MGAT4C: variants seen among roughly 807,000 people sequenced by gnomAD.
MGAT4C encodes MGAT4 family member C, also known as alpha-1,3-mannosyl-glycoprotein 4-beta-N-acetylglucosaminyltransferase C.
MGAT4C carries 19 observed loss-of-function variants against 40.1 expected under a neutral mutation model. The observed-to-expected ratio is 0.47, with a 90% confidence interval of 0.33 to 0.70. The LOEUF is 0.70. Ranked by LOEUF, MGAT4C falls within the 30% of genes least tolerant of loss-of-function variation. MGAT4C has a pLI of 0.02. For synonymous variants in MGAT4C, 181 were observed against 187.1 expected, an observed-to-expected ratio of 0.97 and a Z score of 0.27; for missense variants, 491 against 563.2, an observed-to-expected ratio of 0.87 and a Z score of 1.30.
intron 1 of MGAT4C, among the ~76,000 whole-genome samples, chr12:86,768,831 C>G (rs1375125730): frequency 6.7e-6 from 1 of 149,776 alleles, no homozygotes; most frequent in African/African-American, 2.4e-5. Context: ...AAAGCTGAAA[C>G]TGGATCCCTT....
intron 1 of MGAT4C, among the ~76,000 whole-genome samples, chr12:86,079,235 G>A (rs1441956200): frequency 6.6e-6 from 1 of 152,134 alleles, no homozygotes; most frequent in Non-Finnish European, 1.5e-5. Flanking sequence ...GTTAATATGG[G>A]TTTTTAATAA....
intron 2 of MGAT4C, among the ~76,000 whole-genome samples, chr12:86,047,093 T>C (rs1041469006): frequency 6.6e-6 from 1 of 152,132 alleles, no homozygotes; most frequent in African/African-American, 2.4e-5. Flanking sequence ...ACAAAGCCCT[T>C]TGGAGTCCTT....
At chr12:86,318,344 G>C (rs1336461730) in intron 4 of MGAT4C, among the ~76,000 whole-genome samples, 1 of 152,118 alleles carries the variant, frequency 6.6e-6, no homozygotes, top group African/African-American at 2.4e-5. Flanking sequence ...AAGCAGTACT[G>C]TCTACACCTG....
At chr12:86,086,827 T>C (rs1241017535) in intron 1 of MGAT4C, among the ~76,000 whole-genome samples, 1 of 152,070 alleles carries the variant, frequency 6.6e-6, no homozygotes, top group Non-Finnish European at 1.5e-5. Flanking sequence ...CCTCTCCCAT[T>C]ACATTTCCAA....
At chr12:85,982,346 G>A (rs1436299335) in intron 4 of MGAT4C, among the ~76,000 whole-genome samples, 1 of 152,096 alleles carries the variant, frequency 6.6e-6, no homozygotes, top group African/African-American at 2.4e-5. Context: ...ACACGACCAT[G>A]CCTGGTTAAT....
intron 3 of MGAT4C, among the ~76,000 whole-genome samples, chr12:86,369,392 T>C (rs1196243014): frequency 6.6e-6 from 1 of 151,992 alleles, no homozygotes; most frequent in African/African-American, 2.4e-5. Flanking sequence ...TGTGTCTTTT[T>C]GTAATTTTTT....
At chr12:86,126,625 T>C (rs1880311624) in intron 1 of MGAT4C, among the ~76,000 whole-genome samples, 1 of 152,204 alleles carries the variant, frequency 6.6e-6, no homozygotes, top group Non-Finnish European at 1.5e-5. Context: ...AAAATCACTA[T>C]CTTAAATAAT....
At chr12:86,306,489 A>C (rs1566275176) in intron 4 of MGAT4C, among the ~76,000 whole-genome samples, 1 of 150,552 alleles carries the variant, frequency 6.6e-6, no homozygotes, top group African/African-American at 2.5e-5. Flanking sequence ...AATTTCTAAA[A>C]GAGACAAAAT....
chr12:86,375,638 C>A (rs1457133738), intron 3 of MGAT4C, among the ~76,000 whole-genome samples: 1 of 151,768 alleles, frequency 6.6e-6, no homozygotes, highest in African/African-American at 2.4e-5. Flanking sequence ...TATTTGTATA[C>A]CTGTATATAG....
rs1884893870 is a variant in MGAT4C at position 85,983,747 on chromosome 12, C to T, written c.148-77G>A. Reference sequence around the variant, plus strand: ...GATTAAATAAAGTTTCTTTTTTACACAATAAATGTACGACTACAATATATA... The same window carrying T: ...GATTAAATAAAGTTTCTTTTTTACATAATAAATGTACGACTACAATATATA... On this transcript the variant is annotated intron_variant, in intron 3 of 4. Transcript: ENST00000611864. 5.8e-6 allele frequency: 7 copies of T among 1,209,218 alleles called. No homozygotes were observed. In the South Asian group the frequency reaches 6.9e-5, roughly 12 times the overall value. The allele number at this position is 1,209,218 out of a possible 1,614,324, so 74.9% of individuals were successfully genotyped here.
chr12:86,306,502 A>G (rs79552216), intron 4 of MGAT4C, among the ~76,000 whole-genome samples: 2,066 of 150,622 alleles, frequency 0.014, 34 homozygotes, highest in Non-Finnish European at 0.021. Flanking sequence ...GACAAAATTA[A>G]TAAAAATATT....
intron 1 of MGAT4C, among the ~76,000 whole-genome samples, chr12:86,116,267 T>C (rs190432319): frequency 7.9e-5 from 12 of 152,038 alleles, no homozygotes; most frequent in Admixed American, 4.6e-4. Flanking sequence ...GACTTATGCA[T>C]TAACGGGCAC....
intron 1 of MGAT4C, among the ~76,000 whole-genome samples, chr12:86,241,455 T>C (rs1951779313): frequency 6.6e-6 from 1 of 152,176 alleles, no homozygotes; most frequent in Non-Finnish European, 1.5e-5. Flanking sequence ...ACTAACTCTT[T>C]ATTATTATTA....
At chr12:86,798,176 C>G (rs1187705345) in intron 1 of MGAT4C, among the ~76,000 whole-genome samples, 1 of 151,920 alleles carries the variant, frequency 6.6e-6, no homozygotes, top group East Asian at 1.9e-4. Context: ...ACAGGTTGCA[C>G]ACCCATGAAA....
chr12:86,146,094 T>C (rs1289970158), intron 1 of MGAT4C, among the ~76,000 whole-genome samples: 1 of 152,132 alleles, frequency 6.6e-6, no homozygotes, highest in Non-Finnish European at 1.5e-5. Flanking sequence ...CAAAGCAACA[T>C]TTACAACAGC....
intron 1 of MGAT4C, among the ~76,000 whole-genome samples, chr12:86,816,669 GAAC>G (rs1206233219): frequency 9.2e-5 from 14 of 151,410 alleles, no homozygotes; most frequent in African/African-American, 2.7e-4. Flanking sequence ...AATTTTTTTA[GAAC>G]AACAGTGGGT....
intron 1 of MGAT4C, among the ~76,000 whole-genome samples, chr12:86,137,762 C>T (rs1882180524): frequency 6.6e-6 from 1 of 152,144 alleles, no homozygotes; most frequent in African/African-American, 2.4e-5. Context: ...CTTCTAACTT[C>T]CTGCATTTGC....
At chr12:86,488,315 A>G (rs1958063996) in intron 2 of MGAT4C, among the ~76,000 whole-genome samples, 3 of 150,976 alleles carry the variant, frequency 2.0e-5, no homozygotes, top group African/African-American at 7.3e-5. Flanking sequence ...AGTTCCAGCT[A>G]CTCCAGGAGG....
At chr12:86,150,296 GA>G (rs1250651126) in intron 1 of MGAT4C, among the ~76,000 whole-genome samples, 1 of 152,176 alleles carries the variant, frequency 6.6e-6, no homozygotes, top group African/African-American at 2.4e-5. Flanking sequence ...CCAGTCCGTG[GA>G]CCAGGGGTTA....
Sources: allele counts gnomAD v4.1 joint callset (sites outside exome capture counted in the v4.1 genomes callset), GRCh38; gene constraint gnomAD v4.1.1; transcripts MANE v1.5; gene names NCBI Gene and HGNC (gene_info 2026-07-23, HGNC 2026-07-21).